The following KCNMA1 variants were observed in gnomAD, a reference collection of about 807,000 sequenced individuals.
The protein encoded by KCNMA1 is Calcium-activated potassium channel subunit alpha-1.
Under a neutral mutation model 140.0 loss-of-function variants are expected in KCNMA1, and 29 were observed. That is an observed-to-expected ratio of 0.21 (90% CI 0.15 to 0.28). The LOEUF is 0.28. Ranked by LOEUF, KCNMA1 falls within the 10% of genes least tolerant of loss-of-function variation. KCNMA1 has a pLI of 1.00. For synonymous variants in KCNMA1, 612 were observed against 611.9 expected (o/e 1.00, Z 0.00); for missense variants, 880 against 1,602.2 (o/e 0.55, Z 7.70).
intron 2 of KCNMA1, among the ~76,000 whole-genome samples, chr10:77,358,361 T>C (rs1041234289): frequency 1.3e-5 from 2 of 152,132 alleles, no homozygotes; most frequent in South Asian, 4.1e-4. Flanking sequence ...TTATCTGTAG[T>C]AGATATTATT....
At chr10:77,548,524 CCCAGAGA>C (rs1241787170) in intron 1 of KCNMA1, among the ~76,000 whole-genome samples, 1 of 152,178 alleles carries the variant, frequency 6.6e-6, no homozygotes, top group Non-Finnish European at 1.5e-5. Context: ...TGCACAGAGG[CCCAGAGA>C]AGCAGGGTCA....
intron 25 of KCNMA1, among the ~76,000 whole-genome samples, chr10:76,896,755 G>A (rs7393115): frequency 0.05 from 7,574 of 152,054 alleles, 586 homozygotes; most frequent in African/African-American, 0.17. Flanking sequence ...GATGGGTGGA[G>A]TTGTAGGGGA....
At chr10:77,561,128 CTT>C (rs5786297) in intron 1 of KCNMA1, among the ~76,000 whole-genome samples, 6 of 150,430 alleles carry the variant, frequency 4.0e-5, no homozygotes, top group East Asian at 2.0e-4. Flanking sequence ...AAAAATACAA[CTT>C]TTTTTTTTTC....
chr10:76,998,370 A>G (rs975527202), intron 19 of KCNMA1, among the ~76,000 whole-genome samples: 5 of 152,218 alleles, frequency 3.3e-5, no homozygotes, highest in African/African-American at 1.2e-4. Context: ...ACGAAAGGAA[A>G]GAGAGAAATG....
At chr10:77,316,362 GT>G (rs1467308309) in intron 2 of KCNMA1, among the ~76,000 whole-genome samples, 2 of 152,190 alleles carry the variant, frequency 1.3e-5, no homozygotes, top group African/African-American at 4.8e-5. Context: ...ATGTCCTCAG[GT>G]TTGGGAAGTC....
intron 22 of KCNMA1, among the ~76,000 whole-genome samples, chr10:76,947,242 C>T (rs2064330252): frequency 6.6e-6 from 1 of 152,088 alleles, no homozygotes; most frequent in African/African-American, 2.4e-5. Flanking sequence ...GAGACTGAGG[C>T]AGGAGAATCG....
chr10:77,506,193 G>A (rs1008079222), intron 1 of KCNMA1, among the ~76,000 whole-genome samples: 1 of 151,926 alleles, frequency 6.6e-6, no homozygotes, highest in African/African-American at 2.4e-5. Flanking sequence ...GCTAATTAGA[G>A]TTTCTTCTGG....
chr10:77,265,079 T>C (rs1236506537), intron 2 of KCNMA1, among the ~76,000 whole-genome samples: 1 of 151,722 alleles, frequency 6.6e-6, no homozygotes, highest in African/African-American at 2.4e-5. Context: ...TGAGACAGGG[T>C]TTCACTCTAT....
chr10:76,932,909 T>C, intron 23 of KCNMA1, among the ~76,000 whole-genome samples: 1 of 152,206 alleles, frequency 6.6e-6, no homozygotes, highest in East Asian at 1.9e-4. Flanking sequence ...TTTCTGCCCT[T>C]TGTTGAACTT....
At chr10:77,366,611 A>T (rs2094381888) in intron 2 of KCNMA1, among the ~76,000 whole-genome samples, 1 of 152,208 alleles carries the variant, frequency 6.6e-6, no homozygotes, top group South Asian at 2.1e-4. Context: ...TGATGACAGC[A>T]ATGTTGCTGA....
At chr10:77,228,490 G>T (rs1163517044) in intron 3 of KCNMA1, among the ~76,000 whole-genome samples, 1 of 152,194 alleles carries the variant, frequency 6.6e-6, no homozygotes, top group African/African-American at 2.4e-5. Flanking sequence ...GACAAGATCA[G>T]AGATAAACAA....
intron 25 of KCNMA1, among the ~76,000 whole-genome samples, chr10:76,905,895 G>A (rs2047638044): frequency 6.6e-6 from 1 of 152,182 alleles, no homozygotes; most frequent in Non-Finnish European, 1.5e-5. Flanking sequence ...TGTCCAGTAA[G>A]TGCCCAATAA....
chr10:77,001,591 G>A lies in KCNMA1; in HGVS notation c.2093-11C>T, dbSNP rs1192802578. The A allele has an allele frequency of 1.9e-6, 3 of 1,547,498 alleles. No individual in the cohort carries two copies. In the African/African-American group the frequency reaches 4.1e-5, roughly 21 times the overall value. ...AGATGGACATCTTGGCTATAACCGT[G>A]TGGTTGGATGGGAGGAGAGGAAGAG... On this transcript the variant is annotated splice_polypyrimidine_tract_variant and intron_variant, in intron 18 of 27. Transcript: ENST00000286628.
intron 2 of KCNMA1, among the ~76,000 whole-genome samples, chr10:77,299,266 C>T (rs1049178880): frequency 6.6e-6 from 1 of 152,198 alleles, no homozygotes; most frequent in Admixed American, 6.5e-5. Context: ...CATTCTAATG[C>T]CAGTTAAACG....
chr10:76,912,849 G>A (rs1254822235), intron 24 of KCNMA1: 1 of 152,184 alleles, frequency 6.6e-6, no homozygotes, highest in East Asian at 1.9e-4. Context: ...TGAGCCCTGG[G>A]TCTCTTATTG....
At chr10:77,417,367 G>A (rs903196865) in intron 1 of KCNMA1, among the ~76,000 whole-genome samples, 11 of 152,172 alleles carry the variant, frequency 7.2e-5, no homozygotes, top group East Asian at 1.9e-4. Flanking sequence ...TAACAGACAC[G>A]TACCGATTGA....
At chr10:76,921,228 G>A (rs80292255) in intron 23 of KCNMA1, among the ~76,000 whole-genome samples, 5,935 of 152,192 alleles carry the variant, frequency 0.039, 353 homozygotes, top group African/African-American at 0.12. Context: ...AAATTAGGCC[G>A]AGTCATCTAG....
At chr10:76,940,994 A>G (rs181494531) in intron 23 of KCNMA1, among the ~76,000 whole-genome samples, 1,143 of 52,268 alleles carry the variant, frequency 0.022, 23 homozygotes, top group African/African-American at 0.083. Context: ...AGAAAGAGAG[A>G]AAGAAAGGAA....
At chr10:77,484,732 C>T (rs966561868) in intron 1 of KCNMA1, among the ~76,000 whole-genome samples, 3 of 152,228 alleles carry the variant, frequency 2.0e-5, no homozygotes, top group African/African-American at 7.2e-5. Flanking sequence ...CCCAAAGAGT[C>T]GCTAAGTCAG....
Sources: gnomAD v4.1 joint callset for allele counts (sites outside exome capture counted in the v4.1 genomes callset) on GRCh38, gnomAD v4.1.1 for gene constraint, MANE v1.5 for transcripts, NCBI Gene and HGNC (gene_info 2026-07-23, HGNC 2026-07-21) for gene names.